CACNG2: variants seen among roughly 807,000 people sequenced by gnomAD.
CACNG2 encodes the protein calcium voltage-gated channel auxiliary subunit gamma 2.
A neutral mutation model predicts 25.9 loss-of-function variants in CACNG2; 3 were observed. The observed-to-expected ratio is 0.12, with a 90% confidence interval of 0.05 to 0.30. The LOEUF is 0.30. Ranked by LOEUF, CACNG2 falls within the 10% of genes least tolerant of loss-of-function variation. CACNG2 has a pLI of 1.00. For synonymous variants in CACNG2, 167 were observed against 173.3 expected (o/e 0.96, Z 0.29); for missense variants, 341 against 432.5 (o/e 0.79, Z 1.88).
At chr22:36,605,360 C>T (rs1372924873) in intron 1 of CACNG2, among the ~76,000 whole-genome samples, 1 of 152,192 alleles carries the variant, frequency 6.6e-6, no homozygotes, top group Non-Finnish European at 1.5e-5. Flanking sequence ...AAGGCATGAG[C>T]CACCATGCCC....
intron 1 of CACNG2, among the ~76,000 whole-genome samples, chr22:36,673,809 A>T (rs1418040835): frequency 1.3e-5 from 2 of 152,042 alleles, no homozygotes; most frequent in Non-Finnish European, 2.9e-5. Context: ...TTTATGAAGC[A>T]CTTTACAGTT....
intron 1 of CACNG2, among the ~76,000 whole-genome samples, chr22:36,605,056 T>C (rs1329187031): frequency 6.6e-6 from 1 of 152,058 alleles, no homozygotes; most frequent in Non-Finnish European, 1.5e-5. Context: ...ATTACAGGTG[T>C]AAGCCACTGC....
At chr22:36,609,821 T>C (rs1042072537) in intron 1 of CACNG2, among the ~76,000 whole-genome samples, 11 of 140,278 alleles carry the variant, frequency 7.8e-5, no homozygotes, top group Non-Finnish European at 1.7e-4. Flanking sequence ...CAGAGCATGA[T>C]CAGGACGAAT....
intron 1 of CACNG2, among the ~76,000 whole-genome samples, chr22:36,692,454 G>A (rs760103631): frequency 2.0e-5 from 3 of 152,194 alleles, no homozygotes; most frequent in Non-Finnish European, 4.4e-5. Context: ...TTCCCAGCAG[G>A]CAGTGACTTA....
At position 36,587,465 on chromosome 22, in the gene CACNG2, G is replaced by A; in HGVS notation, c.295C>T (p.Arg99Trp). Residue 99 changes from arginine (R) to tryptophan (W), a missense_variant and splice_region_variant, in exon 2 of 4, where the codon CGG becomes TGG. Coordinates refer to ENST00000300105, the MANE Select transcript of CACNG2 (RefSeq NM_006078.5). ...GATAAAAACAATCGTGTGCACTCAC[G>A]GAGGAAATATTCTGCTGTGTCAGCT... Reference protein sequence around the residue: ...YEADTAEYFLRAVRASSIFPI... With the variant: ...YEADTAEYFLWAVRASSIFPI... The A allele has an allele frequency of 2.5e-6, 4 of 1,607,300 alleles. No individual in the cohort carries two copies. Among genetic ancestry groups the A allele is most frequent in the South Asian group, 1.1e-5 (1 of 90,946 alleles).
At chr22:36,630,916 C>T (rs572396103) in intron 1 of CACNG2, among the ~76,000 whole-genome samples, 26 of 152,236 alleles carry the variant, frequency 1.7e-4, no homozygotes, top group Admixed American at 5.9e-4. Flanking sequence ...CTACAACCTC[C>T]GCCTCCCAGG....
intron 1 of CACNG2, among the ~76,000 whole-genome samples, chr22:36,687,177 A>G (rs944127114): frequency 6.6e-6 from 1 of 152,108 alleles, no homozygotes; most frequent in Non-Finnish European, 1.5e-5. Flanking sequence ...GGGATGATGG[A>G]GTGGGGAGCG....
chr22:36,612,970 G>C (rs1433482239), intron 1 of CACNG2, among the ~76,000 whole-genome samples: 1 of 152,174 alleles, frequency 6.6e-6, no homozygotes, highest in Non-Finnish European at 1.5e-5. Context: ...GAGATGCTAA[G>C]AGGAGATACA....
chr22:36,654,735 G>T (rs565058138), intron 1 of CACNG2, among the ~76,000 whole-genome samples: 1 of 152,290 alleles, frequency 6.6e-6, no homozygotes, highest in South Asian at 2.1e-4. Context: ...TTGCTATGGA[G>T]TCAGAGATAT....
At chr22:36,653,298 T>C (rs1297072946) in intron 1 of CACNG2, among the ~76,000 whole-genome samples, 3 of 152,206 alleles carry the variant, frequency 2.0e-5, no homozygotes, top group African/African-American at 7.2e-5. Context: ...CATTCCAGCC[T>C]GGGCAACAAG....
intron 1 of CACNG2, among the ~76,000 whole-genome samples, chr22:36,626,789 G>A: frequency 6.6e-6 from 1 of 152,204 alleles, no homozygotes; most frequent in Non-Finnish European, 1.5e-5. Flanking sequence ...CTATACATAG[G>A]GAGATCTTGG....
rs1937430083 is a variant in CACNG2 at position 36,702,903 on chromosome 22, C to G, written c.-327G>C. 2 of 227,466 alleles carry G rather than the reference C, an allele frequency of 8.8e-6. No homozygotes were observed. Among genetic ancestry groups the G allele is most frequent in the Admixed American group, 1.1e-4 (2 of 18,628 alleles). 14.1% of individuals were successfully genotyped at this position (227,466 alleles called of 1,614,324 possible). ...CCCCCCACCCCCCCAAGTGAGATGC[C>G]TTAATCTCTTTTTCTAAAATTCTGG... is the stretch of plus-strand genomic sequence containing the variant. On this transcript the variant is annotated 5_prime_UTR_variant, in exon 1 of 4. Transcript: ENST00000300105.
At chr22:36,632,337 G>T (rs1266068046) in intron 1 of CACNG2, among the ~76,000 whole-genome samples, 1 of 152,172 alleles carries the variant, frequency 6.6e-6, no homozygotes, top group South Asian at 2.1e-4. Context: ...ATCCCCCTGG[G>T]CCTCATTTGT....
chr22:36,648,669 T>C (rs553941206), intron 1 of CACNG2, among the ~76,000 whole-genome samples: 1 of 152,314 alleles, frequency 6.6e-6, no homozygotes, highest in African/African-American at 2.4e-5. Context: ...TCAACAAATA[T>C]TTCTTTATCT....
intron 2 of CACNG2, among the ~76,000 whole-genome samples, chr22:36,571,192 C>T (rs370101695): frequency 6.6e-6 from 1 of 152,196 alleles, no homozygotes; most frequent in East Asian, 1.9e-4. Flanking sequence ...CATGGTGGCT[C>T]ATGCCTGTAA....
rs564774796 is a variant in CACNG2 at position 36,633,325 on chromosome 22, C to T, written c.212-45777G>A. Among the ~76,000 whole-genome samples, 17 of 152,268 alleles carry T rather than the reference C, an allele frequency of 1.1e-4. No individual in the cohort carries two copies. In the East Asian group the frequency reaches 3.1e-3, roughly 28 times the overall value. On this transcript the variant is annotated intron_variant, in intron 1 of 3. Coordinates refer to ENST00000300105, the MANE Select transcript of CACNG2 (RefSeq NM_006078.5). ...ACTATGTGTTGAATGAATGCATTCA[C>T]GGAGGGTAACTGCTATTGTTCTTCC...
chr22:36,630,419 A>C (rs188076211), intron 1 of CACNG2, among the ~76,000 whole-genome samples: 31 of 152,162 alleles, frequency 2.0e-4, no homozygotes, highest in African/African-American at 7.2e-4. Flanking sequence ...TTACCTGAGC[A>C]CCAGATGGAT....
intron 2 of CACNG2, among the ~76,000 whole-genome samples, chr22:36,580,360 A>T (rs184144291): frequency 1.3e-5 from 2 of 152,176 alleles, no homozygotes; most frequent in East Asian, 3.9e-4. Context: ...GCTGCCTGTC[A>T]TCGTCCTCAG....
intron 1 of CACNG2, among the ~76,000 whole-genome samples, chr22:36,591,952 G>T (rs1001830713): frequency 6.6e-6 from 1 of 152,086 alleles, no homozygotes; most frequent in South Asian, 2.1e-4. Context: ...GTTGGGGACG[G>T]GAGGACAGGG....
Sources: allele counts gnomAD v4.1 joint callset (sites outside exome capture counted in the v4.1 genomes callset), GRCh38; gene constraint gnomAD v4.1.1; transcripts MANE v1.5; gene names NCBI Gene and HGNC (gene_info 2026-07-23, HGNC 2026-07-21).